CRACDL: variants seen among roughly 807,000 people sequenced by gnomAD.
CRACDL encodes CRACD like.
CRACDL carries 26 observed loss-of-function variants against 70.6 expected under a neutral mutation model. That is an observed-to-expected ratio of 0.37 (90% CI 0.27 to 0.51). The LOEUF (loss-of-function observed/expected upper bound fraction) is 0.51. Among genes scored for constraint, CRACDL ranks in the 20% least tolerant of loss-of-function variants. The pLI is 0.94. For synonymous variants in CRACDL, 618 were observed against 615.2 expected (o/e 1.00, Z -0.07); for missense variants, 1,283 against 1,376.9 (o/e 0.93, Z 1.08).
At chr2:98,860,953 T>C (rs1360754191) in intron 1 of CRACDL, among the ~76,000 whole-genome samples, 1 of 152,156 alleles carries the variant, frequency 6.6e-6, no homozygotes, top group East Asian at 1.9e-4. Flanking sequence ...TGAACATAAC[T>C]TGCACAAAGA....
At chr2:98,933,446 C>T (rs921803287) in intron 1 of CRACDL, among the ~76,000 whole-genome samples, 29 of 152,102 alleles carry the variant, frequency 1.9e-4, no homozygotes, top group African/African-American at 7.0e-4. Flanking sequence ...GAATTAGGCT[C>T]TAGAAAAACA....
chr2:98,819,659 T>C (rs767653585), intron 7 of CRACDL, among the ~76,000 whole-genome samples: 44 of 152,094 alleles, frequency 2.9e-4, no homozygotes, highest in Admixed American at 5.2e-4. Context: ...CAGAAAAGAT[T>C]AGACTATTTT....
chr2:98,869,373 T>G, intron 1 of CRACDL: 1 of 900,278 alleles, frequency 1.1e-6, no homozygotes, highest in Non-Finnish European at 1.5e-6. Flanking sequence ...AAAGGCCGTC[T>G]AAGAAACGCA....
At chr2:98,795,661 T>A (rs1386181346) in intron 9 of CRACDL, among the ~76,000 whole-genome samples, 1 of 152,196 alleles carries the variant, frequency 6.6e-6, no homozygotes, top group Non-Finnish European at 1.5e-5. Flanking sequence ...AATACATACA[T>A]GCTCACTGTC....
intron 9 of CRACDL, among the ~76,000 whole-genome samples, chr2:98,795,432 T>G (rs536572926): frequency 2.3e-4 from 35 of 152,226 alleles, no homozygotes; most frequent in Non-Finnish European, 3.8e-4. Context: ...GAAGATGCTA[T>G]GCTCAGTGAA....
intron 6 of CRACDL, among the ~76,000 whole-genome samples, chr2:98,824,843 A>G (rs1010252277): frequency 1.3e-5 from 2 of 152,258 alleles, no homozygotes; most frequent in Non-Finnish European, 2.9e-5. Flanking sequence ...TTTTGGATTT[A>G]AAAAGAGGAA....
In CRACDL at chr2:98,832,435, G is replaced by C; in HGVS notation, c.453C>G (p.Ala151=). The change falls in exon 5 of 10, where the codon GCC becomes GCG. Residue 151 remains alanine (A), a synonymous_variant. Coordinates refer to ENST00000397899, the MANE Select transcript of CRACDL (RefSeq NM_207362.3). ...GCCCGTCGTCCTCAGAGCTCATGCC[G>C]GCATCCTCTCCCCGCTTGGCAGGAA... ...GGLPAKRGED[A]GMSSEDDGLP... The C allele has an allele frequency of 6.2e-7, 1 of 1,614,074 alleles. No homozygotes were observed. The highest frequency in any genetic ancestry group is 1.1e-5 in the South Asian group (1 of 91,078).
At chr2:98,888,863 C>T (rs1329644397) in intron 1 of CRACDL, among the ~76,000 whole-genome samples, 2 of 152,156 alleles carry the variant, frequency 1.3e-5, no homozygotes, top group Non-Finnish European at 2.9e-5. Flanking sequence ...GGCGCAGTGG[C>T]TCACGCCTGT....
chr2:98,814,956 G>A (rs543881988), intron 7 of CRACDL, among the ~76,000 whole-genome samples: 3 of 151,862 alleles, frequency 2.0e-5, no homozygotes, highest in Non-Finnish European at 4.4e-5. Context: ...ACTAATAATT[G>A]TCCTTTTTCT....
At chr2:98,800,197 A>G (rs1015806797) in intron 7 of CRACDL, among the ~76,000 whole-genome samples, 25 of 152,178 alleles carry the variant, frequency 1.6e-4, no homozygotes, top group African/African-American at 5.1e-4. Flanking sequence ...GGGAGACGAG[A>G]CACAAACAAG....
intron 2 of CRACDL, among the ~76,000 whole-genome samples, chr2:98,839,142 T>G (rs1475310176): frequency 6.6e-6 from 1 of 152,236 alleles, no homozygotes; most frequent in East Asian, 1.9e-4. Flanking sequence ...TTTAATAAAC[T>G]GAATTCCTTA....
At chr2:98,921,028 G>A (rs769314413) in intron 1 of CRACDL, among the ~76,000 whole-genome samples, 1 of 152,232 alleles carries the variant, frequency 6.6e-6, no homozygotes, top group Non-Finnish European at 1.5e-5. Flanking sequence ...GGATGAGGGT[G>A]CATGCCAGCC....
intron 1 of CRACDL, among the ~76,000 whole-genome samples, chr2:98,872,878 C>A (rs1346771568): frequency 6.6e-6 from 1 of 152,228 alleles, no homozygotes; most frequent in Non-Finnish European, 1.5e-5. Flanking sequence ...CTGACGTTAT[C>A]TGTGGGTCAT....
At chr2:98,864,590 A>C (rs1707061602) in intron 1 of CRACDL, among the ~76,000 whole-genome samples, 1 of 144,198 alleles carries the variant, frequency 6.9e-6, no homozygotes, top group African/African-American at 2.6e-5. Context: ...TCCATCACCC[A>C]GGTTTGAGTG....
chr2:98,872,038 G>T (rs1004902204), intron 1 of CRACDL, among the ~76,000 whole-genome samples: 4 of 152,162 alleles, frequency 2.6e-5, no homozygotes, highest in African/African-American at 9.7e-5. Context: ...ATGGAGCTGG[G>T]GGCATTATCC....
Position 98,798,675 on chromosome 2 carries a change from T to C in CRACDL, c.2417-1138A>G, listed in dbSNP as rs557486610. ...AAAAGAAATCTGTGGATTAAATAAG[T>C]GGCTTTTCTTTTCTTTTCTTTTCTT... On this transcript the variant is annotated intron_variant, in intron 7 of 9. Coordinates refer to ENST00000397899, the MANE Select transcript of CRACDL (RefSeq NM_207362.3). Among the ~76,000 whole-genome samples, 6 of 151,978 alleles carry C rather than the reference T, an allele frequency of 3.9e-5. No homozygotes were observed. The East Asian group carries it at 7.7e-4, about 20-fold the overall frequency.
Position 98,866,291 on chromosome 2 carries a change from C to T in CRACDL, c.-10-19481G>A, listed in dbSNP as rs576221641. Among the ~76,000 whole-genome samples the T allele has an allele frequency of 2.6e-5, 4 of 152,016 alleles. No homozygotes were observed. In the South Asian group the frequency reaches 8.3e-4, roughly 32 times the overall value. On this transcript the variant is annotated intron_variant, in intron 1 of 9. Coordinates refer to ENST00000397899, the MANE Select transcript of CRACDL (RefSeq NM_207362.3). ...AAAGTAAGGCGTGGCCTAGAGAAAGCCCCTTTCTTGCTAAGTAGGTAAAAC... is the reference window on the plus strand; with the variant it reads ...AAAGTAAGGCGTGGCCTAGAGAAAGTCCCTTTCTTGCTAAGTAGGTAAAAC...
intron 1 of CRACDL, among the ~76,000 whole-genome samples, chr2:98,934,455 A>T (rs1418298674): frequency 6.6e-6 from 1 of 152,110 alleles, no homozygotes; most frequent in Non-Finnish European, 1.5e-5. Context: ...TCGGCCTCCC[A>T]AAGTGCTGGG....
chr2:98,922,752 G>A (rs1708833983), intron 1 of CRACDL, among the ~76,000 whole-genome samples: 1 of 152,208 alleles, frequency 6.6e-6, no homozygotes, highest in African/African-American at 2.4e-5. Flanking sequence ...GGGTCCGAGA[G>A]CTTCTTGTGA....
Sources: gnomAD v4.1 joint callset for allele counts (sites outside exome capture counted in the v4.1 genomes callset) on GRCh38, gnomAD v4.1.1 for gene constraint, MANE v1.5 for transcripts, NCBI Gene and HGNC (gene_info 2026-07-23, HGNC 2026-07-21) for gene names.